NCALD: variants seen among roughly 807,000 people sequenced by gnomAD.
NCALD encodes neurocalcin delta.
Under a neutral mutation model 18.6 loss-of-function variants are expected in NCALD, and 10 were observed. That is an observed-to-expected ratio of 0.54 (90% CI 0.33 to 0.91). The LOEUF is 0.91. Ranked by LOEUF, NCALD falls within the 40% of genes least tolerant of loss-of-function variation. NCALD has a pLI of 0.03. For synonymous variants in NCALD, 88 were observed against 87.4 expected (o/e 1.01, Z -0.04); for missense variants, 184 against 247.6 (o/e 0.74, Z 1.72).
chr8:101,715,627 A>G (rs1816041895), intron 2 of NCALD, among the ~76,000 whole-genome samples: 1 of 152,144 alleles, frequency 6.6e-6, no homozygotes, highest in African/African-American at 2.4e-5. Flanking sequence ...TTACAAGAAA[A>G]AAACAACCCC....
At chr8:101,822,340 C>T (rs61449057) in intron 4 of NCALD, among the ~76,000 whole-genome samples, 2,834 of 152,204 alleles carry the variant, frequency 0.019, 95 homozygotes, top group African/African-American at 0.064. Context: ...TGCCATATTC[C>T]ATGGCAGGTT....
intron 2 of NCALD, among the ~76,000 whole-genome samples, chr8:101,938,247 GT>G (rs1307990598): frequency 1.3e-5 from 2 of 152,120 alleles, no homozygotes; most frequent in Admixed American, 1.3e-4. Context: ...AATCACCACT[GT>G]TTATTTTATA....
At chr8:102,013,325 C>T (rs1312856870) in intron 2 of NCALD, among the ~76,000 whole-genome samples, 2 of 152,182 alleles carry the variant, frequency 1.3e-5, no homozygotes, top group Non-Finnish European at 2.9e-5. Context: ...TGTAGATGAA[C>T]CTGTTCATAA....
chr8:101,858,796 C>T (rs775118239), intron 4 of NCALD, among the ~76,000 whole-genome samples: 14 of 152,040 alleles, frequency 9.2e-5, no homozygotes, highest in African/African-American at 2.4e-4. Context: ...CAGCTTCCAG[C>T]GAGCTTGTTA....
intron 4 of NCALD, among the ~76,000 whole-genome samples, chr8:101,848,135 T>C (rs1814943712): frequency 6.6e-6 from 1 of 152,128 alleles, no homozygotes; most frequent in Non-Finnish European, 1.5e-5. Context: ...ATGGAGCCCC[T>C]ATCTCAGGAA....
At chr8:101,808,681 C>T (rs1169481248) in intron 4 of NCALD, among the ~76,000 whole-genome samples, 1 of 152,104 alleles carries the variant, frequency 6.6e-6, no homozygotes, top group African/African-American at 2.4e-5. Context: ...CTTTTGCCCC[C>T]TTTTTATGTT....
At chr8:102,015,650 C>T (rs1822057425) in intron 2 of NCALD, among the ~76,000 whole-genome samples, 1 of 152,046 alleles carries the variant, frequency 6.6e-6, no homozygotes, top group Non-Finnish European at 1.5e-5. Flanking sequence ...TTGTATTGAA[C>T]TCATTAGAGA....
At chr8:101,982,665 T>C (rs908278013) in intron 2 of NCALD, among the ~76,000 whole-genome samples, 3 of 151,846 alleles carry the variant, frequency 2.0e-5, no homozygotes, top group Admixed American at 6.6e-5. Context: ...ATGGTGAAAC[T>C]CCGTCTCCAC....
At chr8:102,067,235 C>T (rs946104890) in intron 1 of NCALD, among the ~76,000 whole-genome samples, 6 of 152,212 alleles carry the variant, frequency 3.9e-5, no homozygotes, top group Non-Finnish European at 5.9e-5. Context: ...TCACTTCTAG[C>T]ACGCTGGCCT....
chr8:102,082,151 T>C (rs1824560693), intron 1 of NCALD, among the ~76,000 whole-genome samples: 1 of 151,634 alleles, frequency 6.6e-6, no homozygotes, highest in Non-Finnish European at 1.5e-5. Flanking sequence ...GTATTTGTCC[T>C]GAGAGACTTT....
intron 1 of NCALD, among the ~76,000 whole-genome samples, chr8:102,038,905 CAG>C (rs1429477221): frequency 1.6e-4 from 25 of 152,236 alleles, no homozygotes. Flanking sequence ...GATCAGAAGT[CAG>C]AGAGACACAC....
chr8:101,698,951 G>A (rs1265851401), intron 2 of NCALD, among the ~76,000 whole-genome samples: 2 of 152,210 alleles, frequency 1.3e-5, no homozygotes, highest in African/African-American at 4.8e-5. Flanking sequence ...AAGAGCTTCT[G>A]CACAGCAAAA....
chr8:101,708,209 G>C (rs1815622288), intron 2 of NCALD, among the ~76,000 whole-genome samples: 1 of 152,180 alleles, frequency 6.6e-6, no homozygotes, highest in Non-Finnish European at 1.5e-5. Context: ...CTGGAAACAT[G>C]ATTATTTCTT....
intron 1 of NCALD, among the ~76,000 whole-genome samples, chr8:101,755,678 A>G (rs1019632541): frequency 6.6e-6 from 1 of 152,256 alleles, no homozygotes; most frequent in Non-Finnish European, 1.5e-5. Context: ...AGGGAAATAC[A>G]TTGTAACATT....
chr8:102,007,910 G>A (rs1821767537), intron 2 of NCALD, among the ~76,000 whole-genome samples: 1 of 152,168 alleles, frequency 6.6e-6, no homozygotes. Context: ...CCTGAAGGCA[G>A]GAGCTAGATT....
intron 4 of NCALD, among the ~76,000 whole-genome samples, chr8:101,842,875 G>A (rs923118120): frequency 1.3e-5 from 2 of 152,198 alleles, no homozygotes; most frequent in Non-Finnish European, 2.9e-5. Flanking sequence ...ATCCCAGGGA[G>A]GGAGAGAGAG....
chr8:101,747,070 A>G (rs186009830), intron 1 of NCALD, among the ~76,000 whole-genome samples: 3 of 152,312 alleles, frequency 2.0e-5, no homozygotes, highest in African/African-American at 7.2e-5. Flanking sequence ...TGGTTCCAAC[A>G]TGAAACCCAG....
chr8:101,802,701 C>G (rs1812913867), intron 4 of NCALD, among the ~76,000 whole-genome samples: 2 of 151,978 alleles, frequency 1.3e-5, no homozygotes, highest in African/African-American at 4.8e-5. Flanking sequence ...GTCCCTAACT[C>G]TCTTCAATTC....
intron 4 of NCALD, among the ~76,000 whole-genome samples, chr8:101,858,526 G>A (rs78584727): frequency 0.042 from 6,427 of 152,172 alleles, 303 homozygotes; most frequent in African/African-American, 0.12. Flanking sequence ...AGACTGAACC[G>A]GAGATGTTCT....
Sources: allele counts gnomAD v4.1 joint callset (sites outside exome capture counted in the v4.1 genomes callset), GRCh38; gene constraint gnomAD v4.1.1; transcripts MANE v1.5; gene names NCBI Gene and HGNC (gene_info 2026-07-23, HGNC 2026-07-21).